Variants in HS3ST5 observed in about 807,000 individuals in gnomAD.
The protein encoded by HS3ST5 is heparan sulfate-glucosamine 3-sulfotransferase 5, also known as heparan sulfate glucosamine 3-O-sulfotransferase 5.
Under a neutral mutation model 25.4 loss-of-function variants are expected in HS3ST5, and 10 were observed. That is an observed-to-expected ratio of 0.39 (90% CI 0.24 to 0.67). The LOEUF is 0.67. Ranked by LOEUF, HS3ST5 falls within the 30% of genes least tolerant of loss-of-function variation. The pLI is 0.44. For missense variants in HS3ST5, 324 were observed against 420.7 expected (o/e 0.77, Z 2.01); for synonymous variants, 170 against 162.4 (o/e 1.05, Z -0.36).
chr6:114,127,839 AAT>A (rs375936050), intron 3 of HS3ST5, among the ~76,000 whole-genome samples: 75 of 149,066 alleles, frequency 5.0e-4, no homozygotes, highest in Middle Eastern at 7.0e-3. Context: ...AAAAAGGACA[AAT>A]ATATATATAT....
intron 2 of HS3ST5, among the ~76,000 whole-genome samples, chr6:114,193,647 A>G (rs1000564401): frequency 6.6e-6 from 1 of 152,292 alleles, no homozygotes; most frequent in Admixed American, 6.5e-5. Flanking sequence ...AGGGTTTTTA[A>G]GGGTTAAATG....
chr6:114,169,476 T>A (rs561404584), intron 2 of HS3ST5, among the ~76,000 whole-genome samples: 1 of 152,258 alleles, frequency 6.6e-6, no homozygotes, highest in Non-Finnish European at 1.5e-5. Flanking sequence ...AACCCCAATA[T>A]TGCCCACATC....
At chr6:114,308,895 G>A (rs1433358758) in intron 1 of HS3ST5, among the ~76,000 whole-genome samples, 1 of 152,176 alleles carries the variant, frequency 6.6e-6, no homozygotes, top group Non-Finnish European at 1.5e-5. Flanking sequence ...CTTGATGGCA[G>A]GTGCTCTCAG....
At chr6:114,164,589 C>A (rs778157341) in intron 3 of HS3ST5, among the ~76,000 whole-genome samples, 1 of 152,140 alleles carries the variant, frequency 6.6e-6, no homozygotes, top group African/African-American at 2.4e-5. Flanking sequence ...TTCTTAACTT[C>A]TTTTTGACTT....
At chr6:114,187,770 T>G (rs946010071) in intron 2 of HS3ST5, among the ~76,000 whole-genome samples, 2 of 152,172 alleles carry the variant, frequency 1.3e-5, no homozygotes, top group African/African-American at 4.8e-5. Context: ...AGATAAATCT[T>G]TCATGAAAGG....
intron 1 of HS3ST5, among the ~76,000 whole-genome samples, chr6:114,233,257 T>C (rs1771692861): frequency 6.6e-6 from 1 of 152,198 alleles, no homozygotes; most frequent in African/African-American, 2.4e-5. Context: ...GATAAGGATA[T>C]GTCTTACATT....
At chr6:114,333,411 T>C (rs999706312) in intron 1 of HS3ST5, among the ~76,000 whole-genome samples, 1 of 152,158 alleles carries the variant, frequency 6.6e-6, no homozygotes, top group Non-Finnish European at 1.5e-5. Flanking sequence ...TGTATAAAAA[T>C]TTTCAAGCAC....
At chr6:114,167,863 T>C (rs1779288807) in intron 3 of HS3ST5, among the ~76,000 whole-genome samples, 1 of 152,058 alleles carries the variant, frequency 6.6e-6, no homozygotes, top group East Asian at 1.9e-4. Context: ...GATGAGGAAA[T>C]CGGCAAGATT....
At chr6:114,251,422 T>A (rs1189369969) in intron 1 of HS3ST5, 1 of 152,202 alleles carries the variant, frequency 6.6e-6, no homozygotes, top group Non-Finnish European at 1.5e-5. Flanking sequence ...ACAGGAGAAT[T>A]GGAAAGCTCT....
intron 1 of HS3ST5, among the ~76,000 whole-genome samples, chr6:114,237,093 G>A (rs971741315): frequency 3.9e-5 from 6 of 152,168 alleles, no homozygotes; most frequent in Admixed American, 2.0e-4. Context: ...TTAAAAATAT[G>A]TTTTGAAACT....
At chr6:114,243,952 G>A (rs559219088) in intron 1 of HS3ST5, among the ~76,000 whole-genome samples, 4 of 152,282 alleles carry the variant, frequency 2.6e-5, no homozygotes, top group East Asian at 3.9e-4. Context: ...GTGAGAATGC[G>A]ATAGAAGTGG....
intron 1 of HS3ST5, among the ~76,000 whole-genome samples, chr6:114,276,050 A>G (rs967819212): frequency 2.0e-5 from 3 of 151,942 alleles, no homozygotes; most frequent in Non-Finnish European, 4.4e-5. Flanking sequence ...TTATTTTCTG[A>G]CAGCTGTTTA....
chr6:114,200,861 G>T (rs1780980186), intron 2 of HS3ST5, among the ~76,000 whole-genome samples: 1 of 152,120 alleles, frequency 6.6e-6, no homozygotes, highest in Non-Finnish European at 1.5e-5. Context: ...CAGCACCTCA[G>T]AGAACGCACA....
At chr6:114,133,426 G>C (rs1445977984) in intron 3 of HS3ST5, among the ~76,000 whole-genome samples, 1 of 152,166 alleles carries the variant, frequency 6.6e-6, no homozygotes, top group Non-Finnish European at 1.5e-5. Context: ...ATGTGTTTGT[G>C]TGTGCACGTA....
At chr6:114,110,471 A>T (rs1329416300) in intron 3 of HS3ST5, among the ~76,000 whole-genome samples, 1 of 152,184 alleles carries the variant, frequency 6.6e-6, no homozygotes, top group African/African-American at 2.4e-5. Context: ...GAGAAGAGCC[A>T]TGTAAGAATT....
At chr6:114,268,846 A>G (rs1773519921) in intron 1 of HS3ST5, among the ~76,000 whole-genome samples, 1 of 152,132 alleles carries the variant, frequency 6.6e-6, no homozygotes, top group Admixed American at 6.6e-5. Flanking sequence ...CCTGGTCTGG[A>G]TGGAGCCCTG....
At chr6:114,100,739 G>T (rs1775686001) in intron 3 of HS3ST5, among the ~76,000 whole-genome samples, 1 of 152,164 alleles carries the variant, frequency 6.6e-6, no homozygotes, top group Non-Finnish European at 1.5e-5. Flanking sequence ...GGTGACAGTT[G>T]TTCTAAGGGG....
chr6:114,090,051 C>A (rs182850288), intron 3 of HS3ST5, among the ~76,000 whole-genome samples: 1 of 152,222 alleles, frequency 6.6e-6, no homozygotes, highest in African/African-American at 2.4e-5. Context: ...GGCCATGAAC[C>A]CTCTGCCAAA....
intron 3 of HS3ST5, among the ~76,000 whole-genome samples, chr6:114,124,523 A>G (rs1342003492): frequency 6.6e-6 from 1 of 152,134 alleles, no homozygotes; most frequent in African/African-American, 2.4e-5. Context: ...TGCCTATATC[A>G]AACAGACATT....
Sources: allele counts gnomAD v4.1 joint callset (sites outside exome capture counted in the v4.1 genomes callset), GRCh38; gene constraint gnomAD v4.1.1; transcripts MANE v1.5; gene names NCBI Gene and HGNC (gene_info 2026-07-23, HGNC 2026-07-21).